The following ADGRL3 variants were observed in gnomAD, a reference collection of about 807,000 sequenced individuals.
The protein encoded by ADGRL3 is calcium-independent alpha-latrotoxin receptor 3.
In ADGRL3, 62 loss-of-function variants were observed where a neutral mutation model predicts 153.5. The ratio of observed to expected loss-of-function variants is 0.40; its 90% CI spans 0.33 to 0.50. ADGRL3 has a LOEUF of 0.50. ADGRL3 is among the 20% of genes least tolerant of loss of function. ADGRL3 has a pLI of 0.47. For synonymous variants in ADGRL3, 710 were observed against 672.5 expected (o/e 1.06, Z -0.86); for missense variants, 1,641 against 1,859.4 (o/e 0.88, Z 2.16).
chr4:61,352,961 T>C lies in ADGRL3; in HGVS notation c.-239-30163T>C, dbSNP rs764553872. On this transcript the variant is annotated intron_variant, in intron 1 of 26. Coordinates refer to ENST00000683033, the MANE Select transcript of ADGRL3 (RefSeq NM_001387552.1). The stretch of plus-strand genomic sequence containing the variant: ...TTCCAAGTGTGCTAGTATCCAAACT[T>C]GCAGGTCAGTATGAATAGAAAGGAA... Among the ~76,000 whole-genome samples, 121 of 152,308 alleles carry C rather than the reference T, an allele frequency of 7.9e-4. 2 individuals carry two copies. The highest frequency in any genetic ancestry group is 2.9e-3 in the African/African-American group (119 of 41,570).
chr4:61,309,891 A>C (rs570482849), intron 1 of ADGRL3, among the ~76,000 whole-genome samples: 1 of 152,048 alleles, frequency 6.6e-6, no homozygotes, highest in East Asian at 1.9e-4. Flanking sequence ...AACTATGCTA[A>C]TTTATCTATT....
chr4:61,257,650 C>G (rs1252035736), intron 1 of ADGRL3, among the ~76,000 whole-genome samples: 1 of 152,018 alleles, frequency 6.6e-6, no homozygotes, highest in Non-Finnish European at 1.5e-5. Flanking sequence ...TCAACTCCCC[C>G]CAAAACCCAA....
chr4:61,823,235 G>A (rs1017093458), intron 9 of ADGRL3, among the ~76,000 whole-genome samples: 5 of 152,132 alleles, frequency 3.3e-5, no homozygotes, highest in Admixed American at 2.6e-4. Flanking sequence ...TTTCAGAAAA[G>A]TGGTGGTATA....
intron 2 of ADGRL3, among the ~76,000 whole-genome samples, chr4:61,393,751 A>T (rs1028568979): frequency 2.0e-5 from 3 of 152,176 alleles, no homozygotes; most frequent in African/African-American, 7.2e-5. Context: ...TTGAAATGCT[A>T]ATGAATATCA....
chr4:61,382,167 A>T (rs2096676488), intron 1 of ADGRL3, among the ~76,000 whole-genome samples: 1 of 151,842 alleles, frequency 6.6e-6, no homozygotes, highest in Admixed American at 6.6e-5. Context: ...TCTAGAATAG[A>T]TAATGGATTT....
At chr4:61,591,214 T>C (rs145030439) in intron 5 of ADGRL3, among the ~76,000 whole-genome samples, 54 of 152,302 alleles carry the variant, frequency 3.5e-4, no homozygotes, top group African/African-American at 1.2e-3. Flanking sequence ...GCTTCTCTCA[T>C]GTAATGATTT....
intron 1 of ADGRL3, among the ~76,000 whole-genome samples, chr4:61,216,603 C>A (rs142419848): frequency 1.3e-5 from 2 of 151,432 alleles, no homozygotes; most frequent in Non-Finnish European, 2.9e-5. Context: ...GTATTTAGTT[C>A]TACATTAATG....
At chr4:61,322,547 G>A (rs1220287822) in intron 1 of ADGRL3, among the ~76,000 whole-genome samples, 2 of 152,194 alleles carry the variant, frequency 1.3e-5, no homozygotes, top group Non-Finnish European at 2.9e-5. Flanking sequence ...TACAGGCATT[G>A]GATAAATACA....
At chr4:61,748,030 G>A (rs1053644288) in intron 8 of ADGRL3, among the ~76,000 whole-genome samples, 1 of 151,700 alleles carries the variant, frequency 6.6e-6, no homozygotes, top group African/African-American at 2.4e-5. Context: ...CAAAATCAAT[G>A]TACAAAAATC....
At chr4:61,538,616 A>G (rs2098671545) in intron 4 of ADGRL3, among the ~76,000 whole-genome samples, 2 of 151,734 alleles carry the variant, frequency 1.3e-5, no homozygotes, top group Admixed American at 1.3e-4. Flanking sequence ...ATTTTTTTGT[A>G]TTTTTAGTAG....
At chr4:61,411,054 T>A (rs1283419247) in intron 2 of ADGRL3, among the ~76,000 whole-genome samples, 1 of 152,202 alleles carries the variant, frequency 6.6e-6, no homozygotes, top group Non-Finnish European at 1.5e-5. Flanking sequence ...TATTGAGGTA[T>A]GAAACCCCAA....
intron 5 of ADGRL3, among the ~76,000 whole-genome samples, chr4:61,619,091 G>T (rs114261642): frequency 3.3e-5 from 5 of 152,138 alleles, no homozygotes; most frequent in Non-Finnish European, 7.4e-5. Context: ...AACTCTTGTA[G>T]AAGGCAAGTC....
chr4:61,632,567 T>C (rs925073478), intron 5 of ADGRL3, among the ~76,000 whole-genome samples: 1 of 152,204 alleles, frequency 6.6e-6, no homozygotes, highest in Non-Finnish European at 1.5e-5. Context: ...AAAATTGAAC[T>C]AGTGTCATCA....
At chr4:61,557,041 T>A (rs1316704525) in intron 4 of ADGRL3, among the ~76,000 whole-genome samples, 1 of 152,260 alleles carries the variant, frequency 6.6e-6, no homozygotes, top group Non-Finnish European at 1.5e-5. Context: ...CATTTTCTAA[T>A]CTACAGCAAG....
chr4:61,958,762 A>T (rs1331454064), intron 17 of ADGRL3, among the ~76,000 whole-genome samples: 1 of 152,120 alleles, frequency 6.6e-6, no homozygotes, highest in Non-Finnish European at 1.5e-5. Context: ...CCCGCCACAC[A>T]GGGGGATTCC....
chr4:61,783,980 A>T (rs928114467), intron 8 of ADGRL3, among the ~76,000 whole-genome samples: 1 of 152,072 alleles, frequency 6.6e-6, no homozygotes, highest in Non-Finnish European at 1.5e-5. Context: ...TTATGACTTG[A>T]CCTAATATAA....
intron 3 of ADGRL3, among the ~76,000 whole-genome samples, chr4:61,511,968 G>T (rs1369845665): frequency 6.6e-6 from 1 of 152,060 alleles, no homozygotes; most frequent in Non-Finnish European, 1.5e-5. Flanking sequence ...AATCAAGAAA[G>T]ATATAATCTT....
At chr4:61,546,160 A>G (rs1239782003) in intron 4 of ADGRL3, among the ~76,000 whole-genome samples, 1 of 152,104 alleles carries the variant, frequency 6.6e-6, no homozygotes, top group East Asian at 1.9e-4. Flanking sequence ...TTAAGACACA[A>G]ATTGAGTCAT....
intron 8 of ADGRL3, among the ~76,000 whole-genome samples, chr4:61,782,039 T>C (rs2097219623): frequency 6.6e-6 from 1 of 152,212 alleles, no homozygotes; most frequent in East Asian, 1.9e-4. Flanking sequence ...GAATTGATCT[T>C]TTTAAATTAC....
Sources: allele counts gnomAD v4.1 joint callset (sites outside exome capture counted in the v4.1 genomes callset), GRCh38; gene constraint gnomAD v4.1.1; transcripts MANE v1.5; gene names NCBI Gene and HGNC (gene_info 2026-07-23, HGNC 2026-07-21).